Variants in DGKE observed in about 807,000 individuals in gnomAD.
DGKE encodes diacylglycerol kinase epsilon.
DGKE carries 53 observed loss-of-function variants against 70.0 expected under a neutral mutation model. That is an observed-to-expected ratio of 0.76 (90% CI 0.61 to 0.95). DGKE has a LOEUF of 0.95. Ranked by LOEUF, DGKE falls within the 40% of genes least tolerant of loss-of-function variation. DGKE has a pLI of 0.00. For synonymous variants in DGKE, 291 were observed against 257.0 expected (o/e 1.13, Z -1.27); for missense variants, 655 against 706.9 (o/e 0.93, Z 0.83).
In DGKE at chr17:56,864,443, A is replaced by G. The variant is rs1452759426; in HGVS notation, c.*1652A>G. 6.6e-6 allele frequency: 1 copy of G among 151,934 alleles called. No homozygotes were observed. The highest frequency in any genetic ancestry group is 2.4e-5 in the African/African-American group (1 of 41,190). 9.4% of individuals were successfully genotyped at this position (151,934 alleles called of 1,614,324 possible). A position where few individuals can be genotyped will look rare whatever the true frequency, so the allele number is the denominator to read the frequency against. On this transcript the variant is annotated 3_prime_UTR_variant, in exon 12 of 12. Transcript: ENST00000284061. ...TACAGTAGTCAGTACATTTTATGAA[A>G]TACTCTATTTTGCTAAATTAACCTC... is the stretch of plus-strand genomic sequence containing the variant.
chr17:56,840,032 C>T lies in DGKE; in HGVS notation c.465-3987C>T, dbSNP rs529147580. 3.9e-5 allele frequency among the ~76,000 whole-genome samples: 6 copies of T among 152,126 alleles called. No individual in the cohort carries two copies. In the South Asian group the frequency reaches 8.3e-4, roughly 21 times the overall value. On this transcript the variant is annotated intron_variant, in intron 2 of 11. Coordinates refer to ENST00000284061, the MANE Select transcript of DGKE (RefSeq NM_003647.3). ...GTACAAAATTAGCCGAGTGTGGTGG[C>T]GCATGCCTGTAATCCCAGCTACTCG...
rs144103463 is a variant in DGKE, at chr17:56,862,033, T to C, written c.1413-107T>C. On this transcript the variant is annotated intron_variant, in intron 10 of 11. Transcript: ENST00000284061. ...TCTTTTTTGTGTATCTCATTAGTTA[T>C]AAATATTTTTTAAGTTGATGGTCCA... The C allele has an allele frequency of 2.2e-5, 34 of 1,531,824 alleles. No homozygotes were observed. The African/African-American group carries it at 3.1e-4, about 14-fold the overall frequency. The allele number at this position is 1,531,824 out of a possible 1,614,324, so 94.9% of individuals were successfully genotyped here.
chr17:56,854,418 C>T (rs539347861), intron 7 of DGKE, among the ~76,000 whole-genome samples: 11 of 152,126 alleles, frequency 7.2e-5, no homozygotes, highest in African/African-American at 2.7e-4. Context: ...AAGTGATCTT[C>T]ACACCTTAGC....
chr17:56,837,350 C>CT (rs1906694574), intron 2 of DGKE, among the ~76,000 whole-genome samples: 1 of 152,140 alleles, frequency 6.6e-6, no homozygotes, highest in Non-Finnish European at 1.5e-5. Flanking sequence ...ATTTACATAT[C>CT]TTTAAAAACA....
chr17:56,851,655 A>C (rs575331858), intron 7 of DGKE, among the ~76,000 whole-genome samples: 1 of 152,312 alleles, frequency 6.6e-6, no homozygotes, highest in South Asian at 2.1e-4. Context: ...GCACAAACAA[A>C]CATTTAAGGA....
chr17:56,860,644 C>T (rs927279144), intron 9 of DGKE, among the ~76,000 whole-genome samples: 9 of 152,170 alleles, frequency 5.9e-5, no homozygotes, highest in Non-Finnish European at 8.8e-5. Flanking sequence ...CTAGGAGCTA[C>T]AGAGACTAGG....
At chr17:56,838,747 C>G (rs571136107) in intron 2 of DGKE, 1 of 151,810 alleles carries the variant, frequency 6.6e-6, no homozygotes, top group Admixed American at 6.6e-5. Flanking sequence ...TCCATATTTT[C>G]ATATGAAGGA....
intron 2 of DGKE, among the ~76,000 whole-genome samples, chr17:56,840,765 A>G (rs1220778449): frequency 6.6e-6 from 1 of 152,200 alleles, no homozygotes; most frequent in Non-Finnish European, 1.5e-5. Flanking sequence ...TGAATTAAAG[A>G]TGTAACTATG....
chr17:56,843,200 T>C (rs1907088443), intron 2 of DGKE, among the ~76,000 whole-genome samples: 1 of 152,214 alleles, frequency 6.6e-6, no homozygotes, highest in East Asian at 1.9e-4. Context: ...TCTATTGATA[T>C]TTACCATGTC....
rs777627818 is a variant in DGKE at position 56,845,785 on chromosome 17, T to C, written c.720T>C (p.Phe240=). 1.2e-6 allele frequency: 2 copies of C among 1,608,912 alleles called. No individual in the cohort carries two copies. Among genetic ancestry groups the C allele is most frequent in the East Asian group, 2.2e-5 (1 of 44,632 alleles). ...TGGGAGAAGGACTGTTGGGAGAATT[T>C]AGGATCTTGTTGAATCCAGTCCAGG... The part of the protein sequence containing the change: ...TNMGEGLLGE[F]RILLNPVQVF... Residue 240 remains phenylalanine, a synonymous_variant, in exon 4 of 12, where the codon TTT becomes TTC. Coordinates refer to ENST00000284061, the MANE Select transcript of DGKE (RefSeq NM_003647.3).
In DGKE at chr17:56,867,244, T is replaced by C. The variant is rs919070493; in HGVS notation, c.*4453T>C. ...CGTTTATAAAACTTAAATGAAATGA[T>C]TGGGCTTAACCATATGCAAGAAAGT... On this transcript the variant is annotated 3_prime_UTR_variant, in exon 12 of 12. Transcript: ENST00000284061. The C allele has an allele frequency of 6.6e-6, 1 of 152,202 alleles. No individual in the cohort carries two copies. The highest frequency in any genetic ancestry group is 1.5e-5 in the Non-Finnish European group (1 of 68,038). 9.4% of individuals were successfully genotyped at this position (152,202 alleles called of 1,614,324 possible). A position where few individuals can be genotyped will look rare whatever the true frequency, so the allele number is the denominator to read the frequency against.
At chr17:56,843,959 T>G in intron 2 of DGKE, 60 bp from the exon 3 acceptor site, 18 of 1,433,840 alleles carry the variant, frequency 1.3e-5, no homozygotes, top group East Asian at 2.6e-5. Flanking sequence ...GATTGTTTTG[T>G]GGGTTATCAT....
At chr17:56,856,675 AAATC>A (rs1472297110) in intron 8 of DGKE, 50 bp downstream of exon 8, 1 of 1,555,282 alleles carries the variant, frequency 6.4e-7, no homozygotes, top group African/African-American at 1.4e-5. Flanking sequence ...GGTACAGTAA[AAATC>A]AATAGTTCAA....
At position 56,847,961 on chromosome 17, in the gene DGKE, C is replaced by A. The variant is rs138464211; in HGVS notation, c.784C>A (p.Gln262Lys). 1 of 1,595,642 alleles carries A rather than the reference C, an allele frequency of 6.3e-7. No homozygotes were observed. Among genetic ancestry groups the A allele is most frequent in the African/African-American group, 1.3e-5 (1 of 74,164 alleles). ...VTKTPPIKAL[Q>K]LCTLLPYYSA... ...TAAAACTCCTCCTATCAAAGCCCTA[C>A]AACTCTGTACTCTTCTCCCATATTA... is the stretch of plus-strand genomic sequence containing the variant. The change falls in exon 5 of 12, where the codon CAA (glutamine) becomes AAA (lysine). Residue 262 changes from glutamine (Q) to lysine (K), a missense_variant. Coordinates refer to ENST00000284061, the MANE Select transcript of DGKE (RefSeq NM_003647.3).
At chr17:56,862,409 C>A in intron 11 of DGKE, 158 bp downstream of exon 11, 3 of 888,426 alleles carry the variant, frequency 3.4e-6, no homozygotes, top group South Asian at 1.9e-5. Flanking sequence ...GAGGAAGAAA[C>A]AGAAACATGG....
rs188746460 is a variant in DGKE, at chr17:56,867,358, G to C, written c.*4567G>C. The stretch of plus-strand genomic sequence containing the variant: ...GCTCACACCTGTAATCCCAGCACTT[G>C]GGGGGCTAAGGGAGGCGTATCACCT... On this transcript the variant is annotated 3_prime_UTR_variant, in exon 12 of 12. Transcript: ENST00000284061. The C allele has an allele frequency of 5.9e-5, 9 of 152,192 alleles. No individual in the cohort carries two copies. The East Asian group carries it at 1.5e-3, about 26-fold the overall frequency. 9.4% of individuals were successfully genotyped at this position (152,192 alleles called of 1,614,324 possible).
At chr17:56,859,045 A>G (rs1163778364) in intron 9 of DGKE, among the ~76,000 whole-genome samples, 4 of 152,170 alleles carry the variant, frequency 2.6e-5, no homozygotes, top group African/African-American at 7.2e-5. Flanking sequence ...ATTTACAGTT[A>G]TCTAATACAG....
rs187993549 is a variant in DGKE, at chr17:56,863,607, G to A, written c.*816G>A. On this transcript the variant is annotated 3_prime_UTR_variant, in exon 12 of 12. Coordinates refer to ENST00000284061, the MANE Select transcript of DGKE (RefSeq NM_003647.3). ...AGACAGTGTCAACACTTCAAAAAAC[G>A]TGCTTAAAGGAGACAACGGTGAGAT... The A allele has an allele frequency of 8.5e-5, 13 of 152,308 alleles. No individual in the cohort carries two copies. The East Asian group carries it at 2.3e-3, about 27-fold the overall frequency. 9.4% of individuals were successfully genotyped at this position (152,308 alleles called of 1,614,324 possible). A position where few individuals can be genotyped will look rare whatever the true frequency, so the allele number is the denominator to read the frequency against.
At chr17:56,853,982 T>TAAAAAAAAA (rs762786931) in intron 7 of DGKE, among the ~76,000 whole-genome samples, 1 of 136,406 alleles carries the variant, frequency 7.3e-6, no homozygotes, top group Non-Finnish European at 1.6e-5. Context: ...ATTCAGACTT[T>TAAAAAAAAA]AAAAAAAAAA....
Sources: gnomAD v4.1 joint callset for allele counts (sites outside exome capture counted in the v4.1 genomes callset) on GRCh38, gnomAD v4.1.1 for gene constraint, MANE v1.5 for transcripts, NCBI Gene and HGNC (gene_info 2026-07-23, HGNC 2026-07-21) for gene names.